The following MACROD2 variants were observed in gnomAD, a reference collection of about 807,000 sequenced individuals.
MACROD2 encodes the protein ADP-ribose glycohydrolase MACROD2.
Under a neutral mutation model 70.4 loss-of-function variants are expected in MACROD2, and 36 were observed. The observed-to-expected ratio is 0.51, with a 90% CI of 0.39 to 0.68. The LOEUF is 0.68. Among genes scored for constraint, MACROD2 ranks in the 30% least tolerant of loss-of-function variants. The pLI is 0.00. For synonymous variants in MACROD2, 172 were observed against 178.8 expected (o/e 0.96, Z 0.30); for missense variants, 496 against 538.4 (o/e 0.92, Z 0.78).
intron 3 of MACROD2, among the ~76,000 whole-genome samples, chr20:14,299,451 G>A (rs1380560999): frequency 1.3e-5 from 2 of 152,100 alleles, no homozygotes; most frequent in Non-Finnish European, 2.9e-5. Flanking sequence ...TATGGGTGAG[G>A]AGTTGCTTCT....
chr20:14,503,849 C>T (rs529383960), intron 4 of MACROD2, among the ~76,000 whole-genome samples: 273 of 152,334 alleles, frequency 1.8e-3, no homozygotes, highest in African/African-American at 6.3e-3. Flanking sequence ...TACAAAGCTC[C>T]AGGTTTCATT....
At chr20:15,328,281 A>C (rs1429775876) in intron 6 of MACROD2, among the ~76,000 whole-genome samples, 1 of 152,072 alleles carries the variant, frequency 6.6e-6, no homozygotes, top group Non-Finnish European at 1.5e-5. Flanking sequence ...CTGGCTGGAC[A>C]CTGTGGCCAG....
chr20:14,862,394 AAT>A (rs1166687509), intron 5 of MACROD2, among the ~76,000 whole-genome samples: 1 of 1,996 alleles, frequency 5.0e-4, no homozygotes, highest in Non-Finnish European at 7.1e-4. Flanking sequence ...AATATATATA[AAT>A]ATATATATAT....
chr20:15,553,760 T>G (rs2048129088), intron 8 of MACROD2, among the ~76,000 whole-genome samples: 1 of 151,998 alleles, frequency 6.6e-6, no homozygotes, highest in Non-Finnish European at 1.5e-5. Context: ...ATTTATTGAG[T>G]AAAAGAAGCA....
chr20:14,368,213 G>A (rs892277517), intron 3 of MACROD2, among the ~76,000 whole-genome samples: 3 of 152,072 alleles, frequency 2.0e-5, no homozygotes, highest in Non-Finnish European at 4.4e-5. Context: ...TTTTGATGGG[G>A]CATAGTTTGT....
At chr20:15,010,306 G>T (rs2075072789) in intron 5 of MACROD2, among the ~76,000 whole-genome samples, 1 of 152,138 alleles carries the variant, frequency 6.6e-6, no homozygotes, top group Admixed American at 6.5e-5. Flanking sequence ...CACATTATTT[G>T]AAGATATTCC....
rs557797397 is a variant in MACROD2 at position 14,127,542 on chromosome 20, T to C, written c.271+41814T>C. ...GCTCTACTTAAGGAGAAAGCCATTT[T>C]TGCAGGCAATTTTGAGGGAAGAGAA... On this transcript the variant is annotated intron_variant, in intron 3 of 17. Coordinates refer to ENST00000684519, the MANE Select transcript of MACROD2 (RefSeq NM_001351661.2). 50 of 491,478 alleles carry C rather than the reference T, an allele frequency of 1.0e-4. 1 individual carries two copies. In the South Asian group the frequency reaches 1.6e-3, roughly 16 times the overall value. The allele number at this position is 491,478 out of a possible 1,614,324, so 30.4% of individuals were successfully genotyped here.
intron 5 of MACROD2, among the ~76,000 whole-genome samples, chr20:15,047,051 C>T (rs927966555): frequency 1.3e-5 from 2 of 152,240 alleles, no homozygotes; most frequent in South Asian, 4.1e-4. Flanking sequence ...AAGCACATTG[C>T]TTATCAATGT....
At chr20:15,041,428 T>A (rs879496008) in intron 5 of MACROD2, among the ~76,000 whole-genome samples, 12 of 152,156 alleles carry the variant, frequency 7.9e-5, no homozygotes, top group South Asian at 2.1e-4. Context: ...TTGATTTTTT[T>A]AAATTAATTT....
intron 2 of MACROD2, among the ~76,000 whole-genome samples, chr20:14,033,163 G>GT (rs1481951494): frequency 7.0e-6 from 1 of 143,518 alleles, no homozygotes; most frequent in Non-Finnish European, 1.5e-5. Flanking sequence ...AGTTGTCTTA[G>GT]TTTTTTTCCC....
intron 5 of MACROD2, among the ~76,000 whole-genome samples, chr20:14,859,749 T>C (rs541827771): frequency 6.6e-6 from 1 of 152,326 alleles, no homozygotes; most frequent in East Asian, 1.9e-4. Flanking sequence ...TAGTTTCAAC[T>C]TACTAGTTAG....
intron 5 of MACROD2, among the ~76,000 whole-genome samples, chr20:14,717,736 C>T (rs2071413082): frequency 1.3e-5 from 2 of 151,970 alleles, no homozygotes; most frequent in Non-Finnish European, 2.9e-5. Flanking sequence ...ATCCTTGAGT[C>T]AGTGGGATGT....
chr20:15,285,885 T>C (rs1050686733), intron 6 of MACROD2, among the ~76,000 whole-genome samples: 2 of 150,270 alleles, frequency 1.3e-5, no homozygotes, highest in African/African-American at 2.5e-5. Flanking sequence ...TTTCCATTTT[T>C]TGGGGGGGTT....
In MACROD2 at chr20:15,797,094, G is replaced by T. The variant is rs77717562; in HGVS notation, c.646-65651G>T. Among the ~76,000 whole-genome samples the T allele has an allele frequency of 1.6e-3, 248 of 152,028 alleles. 1 individual carries two copies. In the East Asian group the frequency reaches 0.035, roughly 21 times the overall value. The stretch of plus-strand genomic sequence containing the variant: ...TCTTCTAGCAACCTGACCTTTTAGG[G>T]TTCTTTTTTTGTTTGTTTGTTTGTT... On this transcript the variant is annotated intron_variant, in intron 8 of 17. Coordinates refer to ENST00000684519, the MANE Select transcript of MACROD2 (RefSeq NM_001351661.2).
chr20:14,110,601 A>C (rs2054436247), intron 3 of MACROD2, among the ~76,000 whole-genome samples: 1 of 151,980 alleles, frequency 6.6e-6, no homozygotes, highest in Admixed American at 6.6e-5. Context: ...ACAATCTGAA[A>C]AAGAAATAAA....
chr20:14,272,171 C>A (rs1459324503), intron 3 of MACROD2, among the ~76,000 whole-genome samples: 1 of 151,986 alleles, frequency 6.6e-6, no homozygotes, highest in Admixed American at 6.5e-5. Flanking sequence ...TCGAGAAGAG[C>A]AACTCCAAGA....
intron 5 of MACROD2, among the ~76,000 whole-genome samples, chr20:14,685,906 G>T (rs2070996311): frequency 1.3e-5 from 2 of 152,142 alleles, no homozygotes; most frequent in Non-Finnish European, 2.9e-5. Flanking sequence ...ATATAGACAG[G>T]TTGTCATAAC....
intron 2 of MACROD2, among the ~76,000 whole-genome samples, chr20:14,077,794 G>A (rs1313352529): frequency 6.6e-6 from 1 of 151,670 alleles, no homozygotes; most frequent in East Asian, 1.9e-4. Context: ...GCCCAACAGT[G>A]TGCTAATATA....
Position 14,018,575 on chromosome 20 carries a change from A to C in MACROD2, c.163+16171A>C, listed in dbSNP as rs145313443. ...GTTATTGATTTTTATCTCTTAAGTT[A>C]TTTCTTCTTTCAGCTAAATTCTGCT... On this transcript the variant is annotated intron_variant, in intron 2 of 17. Coordinates refer to ENST00000684519, the MANE Select transcript of MACROD2 (RefSeq NM_001351661.2). 4.4e-3 allele frequency among the ~76,000 whole-genome samples: 672 copies of C among 151,780 alleles called. 4 individuals carry two copies. Among genetic ancestry groups the C allele is most frequent in the African/African-American group, 0.015 (640 of 41,400 alleles).
Sources: allele counts gnomAD v4.1 joint callset (sites outside exome capture counted in the v4.1 genomes callset), GRCh38; gene constraint gnomAD v4.1.1; transcripts MANE v1.5; gene names NCBI Gene and HGNC (gene_info 2026-07-23, HGNC 2026-07-21).